Variants in ASTN2 observed in about 807,000 individuals in gnomAD.
ASTN2 encodes the protein astrotactin 2, also known as astrotactin-2.
ASTN2 carries 54 observed loss-of-function variants against 139.8 expected under a neutral mutation model. The observed-to-expected ratio is 0.39, with a 90% confidence interval of 0.31 to 0.48. The LOEUF (loss-of-function observed/expected upper bound fraction) is 0.48, where lower values mean the gene tolerates loss of function less well. ASTN2 is among the 20% of genes least tolerant of loss of function. The probability of loss-of-function intolerance (pLI) is 0.95; values close to 1 mark genes in which losing one functional copy is unlikely to be tolerated. For synonymous variants in ASTN2, 756 were observed against 719.5 expected (o/e 1.05, Z -0.81); for missense variants, 1,565 against 1,725.1 (o/e 0.91, Z 1.64).
chr9:117,391,971 C>A (rs1204494852), intron 1 of ASTN2, among the ~76,000 whole-genome samples: 5 of 152,186 alleles, frequency 3.3e-5, no homozygotes, highest in Non-Finnish European at 7.3e-5. Flanking sequence ...TCTCCTTTGA[C>A]TCCATATCTC....
chr9:116,691,644 T>C (rs148367669), intron 16 of ASTN2, among the ~76,000 whole-genome samples: 338 of 152,334 alleles, frequency 2.2e-3, no homozygotes, highest in African/African-American at 7.8e-3. Context: ...AGCCCCTACT[T>C]GTTGAGTTTA....
intron 13 of ASTN2, among the ~76,000 whole-genome samples, chr9:116,798,139 C>T (rs1014779832): frequency 5.3e-5 from 8 of 152,106 alleles, no homozygotes; most frequent in South Asian, 4.1e-4. Context: ...GGCATGGTGG[C>T]GCACGCCTGT....
chr9:116,778,516 T>C (rs1830140262), intron 13 of ASTN2, among the ~76,000 whole-genome samples: 1 of 152,184 alleles, frequency 6.6e-6, no homozygotes. Flanking sequence ...CTTCTCAAAA[T>C]GATTGCTGAA....
intron 7 of ASTN2, among the ~76,000 whole-genome samples, chr9:116,978,969 C>T (rs1836434364): frequency 6.6e-6 from 1 of 152,150 alleles, no homozygotes; most frequent in African/African-American, 2.4e-5. Flanking sequence ...ACGGGTTCTA[C>T]AACTATCACC....
intron 19 of ASTN2, among the ~76,000 whole-genome samples, chr9:116,539,884 C>T (rs1851806613): frequency 6.6e-6 from 1 of 152,188 alleles, no homozygotes; most frequent in African/African-American, 2.4e-5. Context: ...TAAGTGGAGA[C>T]TACTGTATTA....
chr9:117,409,041 T>C (rs750447857), intron 1 of ASTN2, among the ~76,000 whole-genome samples: 6 of 152,168 alleles, frequency 3.9e-5, no homozygotes, highest in South Asian at 2.1e-4. Context: ...AGATGGGAAC[T>C]TGAAGTTTGA....
chr9:116,758,479 G>A (rs1249655020), intron 13 of ASTN2, among the ~76,000 whole-genome samples: 1 of 152,140 alleles, frequency 6.6e-6, no homozygotes, highest in Non-Finnish European at 1.5e-5. Context: ...AGGCTAAGAA[G>A]TAAGGTCCAG....
chr9:116,580,762 A>G (rs1853915911), intron 19 of ASTN2, among the ~76,000 whole-genome samples: 1 of 152,208 alleles, frequency 6.6e-6, no homozygotes, highest in African/African-American at 2.4e-5. Flanking sequence ...TTTGGCAAAC[A>G]GAAGCTAAAT....
chr9:116,952,455 G>A (rs1299490395), intron 10 of ASTN2, among the ~76,000 whole-genome samples: 1 of 152,142 alleles, frequency 6.6e-6, no homozygotes, highest in African/African-American at 2.4e-5. Flanking sequence ...CCAGGATCTG[G>A]CAAGAATAAG....
At chr9:116,721,989 C>T (rs1828485126) in intron 16 of ASTN2, among the ~76,000 whole-genome samples, 2 of 152,166 alleles carry the variant, frequency 1.3e-5, no homozygotes, top group Admixed American at 1.3e-4. Context: ...ATCCCAATAA[C>T]TTACACACAG....
At chr9:117,200,187 C>T (rs1000013618) in intron 3 of ASTN2, among the ~76,000 whole-genome samples, 1 of 151,262 alleles carries the variant, frequency 6.6e-6, no homozygotes, top group Non-Finnish European at 1.5e-5. Context: ...CCCATTAACT[C>T]GTCATTTAGC....
chr9:117,240,850 C>A (rs927256884), intron 2 of ASTN2, among the ~76,000 whole-genome samples: 1 of 152,178 alleles, frequency 6.6e-6, no homozygotes, highest in Non-Finnish European at 1.5e-5. Context: ...ATGCTTTCTG[C>A]AGACTCTTTT....
chr9:117,371,720 T>C (rs1008706700), intron 1 of ASTN2, among the ~76,000 whole-genome samples: 1 of 152,166 alleles, frequency 6.6e-6, no homozygotes, highest in African/African-American at 2.4e-5. Context: ...AAGCATTTCA[T>C]AAAATTGTTA....
intron 19 of ASTN2, among the ~76,000 whole-genome samples, chr9:116,594,122 T>G (rs1854477114): frequency 6.6e-6 from 1 of 152,192 alleles, no homozygotes; most frequent in South Asian, 2.1e-4. Context: ...CTTTAAACAA[T>G]TGAGATAGGG....
chr9:117,301,352 G>A (rs1834870779), intron 1 of ASTN2, among the ~76,000 whole-genome samples: 1 of 152,142 alleles, frequency 6.6e-6, no homozygotes, highest in Non-Finnish European at 1.5e-5. Flanking sequence ...CAGAGAGTGG[G>A]TGACTAAAGA....
chr9:117,186,864 C>T (rs749338242), intron 3 of ASTN2, among the ~76,000 whole-genome samples: 1 of 152,228 alleles, frequency 6.6e-6, no homozygotes, highest in African/African-American at 2.4e-5. Context: ...GGCGAAGTGG[C>T]TCACGCCTGT....
At chr9:117,290,844 G>A (rs78344086) in intron 2 of ASTN2, among the ~76,000 whole-genome samples, 1,574 of 152,250 alleles carry the variant, frequency 0.01, 52 homozygotes, top group East Asian at 0.095. Context: ...CAATGGCTAC[G>A]TCCAGCCCAG....
intron 1 of ASTN2, among the ~76,000 whole-genome samples, chr9:117,375,227 T>C (rs980139918): frequency 1.3e-5 from 2 of 152,224 alleles, no homozygotes; most frequent in Admixed American, 1.3e-4. Context: ...GGGCCAGAGT[T>C]TGCATGGTAT....
chr9:117,147,187 C>G (rs924769582), intron 3 of ASTN2, among the ~76,000 whole-genome samples: 1 of 152,174 alleles, frequency 6.6e-6, no homozygotes, highest in Non-Finnish European at 1.5e-5. Context: ...TATGTCTACA[C>G]TGATACTCAA....
Sources: allele counts gnomAD v4.1 joint callset (sites outside exome capture counted in the v4.1 genomes callset), GRCh38; gene constraint gnomAD v4.1.1; transcripts MANE v1.5; gene names NCBI Gene and HGNC (gene_info 2026-07-23, HGNC 2026-07-21).